MLC1: variants seen among roughly 807,000 people sequenced by gnomAD.
MLC1 encodes membrane protein MLC1.
In MLC1, 32 loss-of-function variants were observed where a neutral mutation model predicts 44.7. The ratio of observed to expected loss-of-function variants is 0.72; its 90% CI spans 0.54 to 0.96. The LOEUF is 0.96. Among genes scored for constraint, MLC1 ranks in the 40% least tolerant of loss-of-function variants. The pLI is 0.00. For synonymous variants in MLC1, 190 were observed against 213.0 expected (o/e 0.89, Z 0.94); for missense variants, 459 against 492.2 (o/e 0.93, Z 0.64).
At chr22:50,085,684 T>A (rs1305259848), upstream of MLC1, 1 of 152,588 alleles carries the variant, frequency 6.6e-6, no homozygotes, top group Non-Finnish European at 1.5e-5. Flanking sequence ...GAGCAGGCTC[T>A]GTTTCTGAAA....
At chr22:50,065,376 A>T (rs1411693989) in intron 10 of MLC1, among the ~76,000 whole-genome samples, 1 of 152,184 alleles carries the variant, frequency 6.6e-6, no homozygotes, top group African/African-American at 2.4e-5. Flanking sequence ...CTCAAAAAAA[A>T]AAAATCCAGA....
Position 50,077,391 on chromosome 22 carries a change from C to T in MLC1, c.525+10G>A. Reference sequence around the variant, plus strand: ...ACCCCCTGCCCTGCGGGGTCAGAAGCTGCACCCACCTTCTTTTTCTTGCAG... The same window carrying T: ...ACCCCCTGCCCTGCGGGGTCAGAAGTTGCACCCACCTTCTTTTTCTTGCAG... On this transcript the variant is annotated intron_variant, in intron 6 of 11. Coordinates refer to ENST00000311597, the MANE Select transcript of MLC1 (RefSeq NM_015166.4). 6.2e-7 allele frequency: 1 copy of T among 1,611,238 alleles called. No homozygotes were observed. The highest frequency in any genetic ancestry group is 8.5e-7 in the Non-Finnish European group (1 of 1,177,710).
intron 11 of MLC1, 57 bp from the exon 12 acceptor site, chr22:50,061,714 GT>G: frequency 1.3e-6 from 2 of 1,505,706 alleles, no homozygotes; most frequent in Non-Finnish European, 1.8e-6. Context: ...CGGCGGGAAG[GT>G]GGACACGCCA....
chr22:50,078,321 AAG>A, intron 5 of MLC1, among the ~76,000 whole-genome samples: 1 of 152,314 alleles, frequency 6.6e-6, no homozygotes, highest in Middle Eastern at 3.4e-3. Flanking sequence ...TTAAAAAAGA[AAG>A]AGTGCAGAAC....
Position 50,083,027 on chromosome 22 carries a change from C to A in MLC1, c.267+57G>T. The stretch of plus-strand genomic sequence containing the variant: ...ACCTGCACATCTCAGAACAAAGAAA[C>A]CAGAGCACGTGCCGGCGAGCTTGGG... On this transcript the variant is annotated intron_variant, in intron 3 of 11. Coordinates refer to ENST00000311597, the MANE Select transcript of MLC1 (RefSeq NM_015166.4). The surrounding 1 kb of genome is among the most constrained non-coding windows in gnomAD (Gnocchi z 4.6). 3 of 1,528,728 alleles carry A rather than the reference C, an allele frequency of 2.0e-6. No homozygotes were observed. The highest frequency in any genetic ancestry group is 1.8e-6 in the Non-Finnish European group (2 of 1,103,552). The allele number at this position is 1,528,728 out of a possible 1,614,324, so 94.7% of individuals were successfully genotyped here.
rs1366743702 is a variant in MLC1 at position 50,070,518 on chromosome 22, T to C, written c.771+9A>G. ...GTCCCTGGCACCCAGGGCTGAGGGG[T>C]TCACCCACCAGACACTTGCTGGGAC... On this transcript the variant is annotated intron_variant, in intron 9 of 11. Transcript: ENST00000311597. 6.4e-7 allele frequency: 1 copy of C among 1,556,820 alleles called. No individual in the cohort carries two copies. The highest frequency in any genetic ancestry group is 8.7e-7 in the Non-Finnish European group (1 of 1,150,024).
Position 50,083,973 on chromosome 22 carries a change from G to T in MLC1, c.177+753C>A, listed in dbSNP as rs1032328801. Among the ~76,000 whole-genome samples the T allele has an allele frequency of 3.3e-5, 5 of 152,134 alleles. No individual in the cohort carries two copies. In the East Asian group the frequency reaches 5.8e-4, roughly 18 times the overall value. On this transcript the variant is annotated intron_variant, in intron 2 of 11. Coordinates refer to ENST00000311597, the MANE Select transcript of MLC1 (RefSeq NM_015166.4). The surrounding 1 kb of genome is among the most constrained non-coding windows in gnomAD (Gnocchi z 4.6). The stretch of plus-strand genomic sequence containing the variant: ...CGAGGCAGACGCCTGTCTTGGTGGG[G>T]CATGCTCAGGCCACGGGAGGTGGGC...
intron 11 of MLC1, among the ~76,000 whole-genome samples, chr22:50,063,298 C>G (rs1156789514): frequency 6.6e-6 from 1 of 151,920 alleles, no homozygotes; most frequent in Non-Finnish European, 1.5e-5. Flanking sequence ...CATAGTGAAA[C>G]CCCATCTCTA....
At position 50,061,677 on chromosome 22, in the gene MLC1, G is replaced by A; in HGVS notation, c.1060-20C>T. 6.2e-7 allele frequency: 1 copy of A among 1,609,252 alleles called. No homozygotes were observed. Among genetic ancestry groups the A allele is most frequent in the Non-Finnish European group, 8.5e-7 (1 of 1,176,870 alleles). On this transcript the variant is annotated intron_variant, in intron 11 of 11. Coordinates refer to ENST00000311597, the MANE Select transcript of MLC1 (RefSeq NM_015166.4). ...GGCCACCTGCAACCGAGACAGGAAA[G>A]GTGTTACTTCACCAGGGCCACCTGT...
intron 6 of MLC1, 50 bp from the exon 7 acceptor site, chr22:50,076,962 G>T (rs2061998232): frequency 1.2e-6 from 2 of 1,602,472 alleles, no homozygotes; most frequent in African/African-American, 1.3e-5. Context: ...CAGGGACTCA[G>T]CACTGCCGCT....
At chr22:50,080,208 TGG>T in intron 4 of MLC1, 134 bp downstream of exon 4, 1 of 1,229,892 alleles carries the variant, frequency 8.1e-7, no homozygotes, top group Non-Finnish European at 1.2e-6. Context: ...CTTTACTGTC[TGG>T]GGGGCAACCT....
At chr22:50,081,953 A>G (rs2062153116) in intron 3 of MLC1, among the ~76,000 whole-genome samples, 1 of 152,354 alleles carries the variant, frequency 6.6e-6, no homozygotes, top group East Asian at 1.9e-4. Context: ...GCAGAGTGGG[A>G]CGGGTCACCT....
intron 3 of MLC1, among the ~76,000 whole-genome samples, chr22:50,081,784 C>G (rs990631428): frequency 6.6e-6 from 1 of 152,162 alleles, no homozygotes; most frequent in African/African-American, 2.4e-5. Context: ...GAAGAAAGGC[C>G]GGGGGCAGGG....
chr22:50,066,793 G>T (rs938142862), intron 10 of MLC1, among the ~76,000 whole-genome samples: 1 of 152,108 alleles, frequency 6.6e-6, no homozygotes, highest in African/African-American at 2.4e-5. Flanking sequence ...CAGCTTTTCT[G>T]AGCTCGTCTT....
intron 5 of MLC1, among the ~76,000 whole-genome samples, chr22:50,078,789 A>G (rs2062045274): frequency 6.6e-6 from 1 of 151,992 alleles, no homozygotes; most frequent in South Asian, 2.1e-4. Context: ...GGAGAACTCT[A>G]AAATTCAGAA....
intron 11 of MLC1, among the ~76,000 whole-genome samples, chr22:50,063,031 C>G (rs1348637030): frequency 6.6e-6 from 1 of 152,168 alleles, no homozygotes; most frequent in African/African-American, 2.4e-5. Flanking sequence ...CGCGTCCCCA[C>G]CAGAGACCAG....
chr22:50,084,197 G>A (rs774343148), intron 2 of MLC1, among the ~76,000 whole-genome samples: 11 of 152,156 alleles, frequency 7.2e-5, no homozygotes, highest in Admixed American at 2.6e-4. Context: ...CTGTGCCCAC[G>A]ACTGTGCAGG....
At chr22:50,081,310 T>G (rs1278686600) in intron 3 of MLC1, among the ~76,000 whole-genome samples, 2 of 150,862 alleles carry the variant, frequency 1.3e-5, no homozygotes, top group Non-Finnish European at 2.9e-5. Context: ...GCCATTGCAC[T>G]CCAGCCTGTG....
At chr22:50,073,735 C>A (rs959739988) in intron 8 of MLC1, among the ~76,000 whole-genome samples, 1 of 151,660 alleles carries the variant, frequency 6.6e-6, no homozygotes, top group Non-Finnish European at 1.5e-5. Context: ...GACTCCATCT[C>A]AAAAAAATAA....
Sources: allele counts gnomAD v4.1 joint callset (sites outside exome capture counted in the v4.1 genomes callset), GRCh38; gene constraint gnomAD v4.1.1; non-coding constraint Gnocchi (gnomAD v3.1); transcripts MANE v1.5; gene names NCBI Gene and HGNC (gene_info 2026-07-23, HGNC 2026-07-21).